The following DAW1 variants were observed in gnomAD, a reference collection of about 807,000 sequenced individuals.
DAW1 encodes dynein assembly factor with WD repeat domains 1.
DAW1 carries 47 observed loss-of-function variants against 56.5 expected under a neutral mutation model. The ratio of observed to expected loss-of-function variants is 0.83; its 90% CI spans 0.66 to 1.06. The LOEUF (loss-of-function observed/expected upper bound fraction) is 1.06. Among genes scored for constraint, DAW1 ranks in the 50% least tolerant of loss-of-function variants. The probability of loss-of-function intolerance (pLI) is 0.00; values close to 1 mark genes in which losing one functional copy is unlikely to be tolerated. For missense variants in DAW1, 505 were observed against 499.3 expected, an observed-to-expected ratio of 1.01 and a Z score of -0.11; for synonymous variants, 190 against 179.0, an observed-to-expected ratio of 1.06 and a Z score of -0.49.
intron 11 of DAW1, 71 bp from the exon 12 acceptor site, chr2:227,921,328 T>TGA: frequency 1.4e-6 from 1 of 700,528 alleles, no homozygotes; most frequent in Non-Finnish European, 2.0e-6. Context: ...TTTTTTTTTT[T>TGA]TTTTTGCTGA....
At chr2:227,874,222 A>G (rs1170938559) in intron 1 of DAW1, among the ~76,000 whole-genome samples, 1 of 152,160 alleles carries the variant, frequency 6.6e-6, no homozygotes, top group East Asian at 1.9e-4. Flanking sequence ...CTCACCATAT[A>G]CAATAATAAA....
At chr2:227,885,474 C>T in intron 2 of DAW1, 51 bp downstream of exon 2, 1 of 1,416,574 alleles carries the variant, frequency 7.1e-7, no homozygotes, top group Non-Finnish European at 9.7e-7. Context: ...GAAGCCTTGA[C>T]ACAGAGTGAT....
At chr2:227,884,960 G>A (rs545595950) in intron 1 of DAW1, among the ~76,000 whole-genome samples, 2 of 152,172 alleles carry the variant, frequency 1.3e-5, no homozygotes, top group East Asian at 1.9e-4. Context: ...TGCTTGCAGG[G>A]GCCCCATTTG....
rs184910874 is a variant in DAW1, at chr2:227,881,440, T to A, written c.41-3911T>A. ...TGGGAATATAGGGAAGCATATAGCATGGATATGTTTCCTTCTTCAAAGATG... is the reference window on the plus strand; with the variant it reads ...TGGGAATATAGGGAAGCATATAGCAAGGATATGTTTCCTTCTTCAAAGATG... On this transcript the variant is annotated intron_variant, in intron 1 of 12. Transcript: ENST00000309931. Among the ~76,000 whole-genome samples the A allele has an allele frequency of 7.4e-4, 113 of 152,328 alleles. 1 individual carries two copies. Among genetic ancestry groups the A allele is most frequent in the Non-Finnish European group, 1.4e-3 (92 of 68,042 alleles).
At chr2:227,873,311 A>C (rs747706704) in intron 1 of DAW1, among the ~76,000 whole-genome samples, 4 of 152,206 alleles carry the variant, frequency 2.6e-5, no homozygotes, top group Non-Finnish European at 4.4e-5. Flanking sequence ...GTTTTGTTTC[A>C]AATGTCTGCC....
chr2:227,895,650 G>A (rs1305044894), intron 5 of DAW1: 1 of 152,246 alleles, frequency 6.6e-6, no homozygotes, highest in Non-Finnish European at 1.5e-5. Context: ...TCTCTGTAGT[G>A]ACTCAGTGGC....
In DAW1 at chr2:227,891,298, AC is replaced by A. The variant is rs757707971; in HGVS notation, c.303del (p.Asn101LysfsTer27). 11 of 1,613,608 alleles carry A rather than the reference AC, an allele frequency of 6.8e-6. No homozygotes were observed. Among genetic ancestry groups the A allele is most frequent in the Non-Finnish European group, 9.3e-6 (11 of 1,179,802 alleles). On this transcript the variant is annotated frameshift_variant, in exon 4 of 13. Transcript: ENST00000309931. LOFTEE classifies it high-confidence loss of function. The stretch of plus-strand genomic sequence containing the variant: ...TTGCCACTGACTAATGTTGCACTTA[AC>A]AAATCGGGCTCATGGTAAGATTCTC... Reference protein sequence around the residue: ...HILPLTNVALNKSGSCFITGS... With the variant: ...HILPLTNVALXKSGSCFITGS...
chr2:227,889,740 T>A (rs1691213533), intron 2 of DAW1, 116 bp from the exon 3 acceptor site: 12 of 872,546 alleles, frequency 1.4e-5, no homozygotes, highest in Non-Finnish European at 1.9e-5. Flanking sequence ...GATAATGGTG[T>A]TTTTGACATT....
At chr2:227,923,818 A>T in intron 12 of DAW1, 116 bp from the exon 13 acceptor site, 1 of 1,238,486 alleles carries the variant, frequency 8.1e-7, no homozygotes, top group South Asian at 1.3e-5. Context: ...CGGAGAACCT[A>T]GCCCATTTAG....
At position 227,924,006 on chromosome 2, in the gene DAW1, T is replaced by A; in HGVS notation, c.*38T>A. The A allele has an allele frequency of 6.2e-7, 1 of 1,612,598 alleles. No homozygotes were observed. The highest frequency in any genetic ancestry group is 8.5e-7 in the Non-Finnish European group (1 of 1,178,924). ...GGTCAGTGAGCAACCTTGCTAGCAATGGTAATCAAGAACTGGAACTTCACA... is the reference window on the plus strand; with the variant it reads ...GGTCAGTGAGCAACCTTGCTAGCAAAGGTAATCAAGAACTGGAACTTCACA... On this transcript the variant is annotated 3_prime_UTR_variant, in exon 13 of 13. Coordinates refer to ENST00000309931, the MANE Select transcript of DAW1 (RefSeq NM_178821.3).
intron 1 of DAW1, among the ~76,000 whole-genome samples, chr2:227,878,506 G>C (rs1690938461): frequency 6.6e-6 from 1 of 152,232 alleles, no homozygotes; most frequent in South Asian, 2.1e-4. Context: ...AGGATGGCTT[G>C]AGCCCAGGAG....
intron 6 of DAW1, among the ~76,000 whole-genome samples, chr2:227,900,690 G>A (rs571803587): frequency 6.6e-6 from 1 of 152,278 alleles, no homozygotes; most frequent in Admixed American, 6.5e-5. Context: ...AACTCAGGTG[G>A]CTCTGTGTGA....
In DAW1 at chr2:227,918,808, A is replaced by G. The variant is rs1692035156; in HGVS notation, c.1002A>G (p.Thr334=). ...DGTARIFSAA[T]RKCIAKLEGH... is the part of the protein sequence containing the mutation. ...CAGCAAGAATTTTCAGTGCTGCCAC[A>G]AGAAAATGCATTGCCAAACTGGAAG... Residue 334 remains threonine, a synonymous_variant, in exon 11 of 13, where the codon ACA becomes ACG. Transcript: ENST00000309931. The G allele has an allele frequency of 1.2e-6, 2 of 1,614,068 alleles. No homozygotes were observed. The highest frequency in any genetic ancestry group is 1.1e-5 in the South Asian group (1 of 91,078).
At chr2:227,892,701 T>TA (rs1361111883) in intron 4 of DAW1, among the ~76,000 whole-genome samples, 1 of 152,174 alleles carries the variant, frequency 6.6e-6, no homozygotes, top group Non-Finnish European at 1.5e-5. Context: ...CCTGTTTAGT[T>TA]GAGTTTCGCT....
chr2:227,890,367 G>A (rs1691233904), intron 3 of DAW1, among the ~76,000 whole-genome samples: 1 of 152,100 alleles, frequency 6.6e-6, no homozygotes, highest in African/African-American at 2.4e-5. Context: ...CTGCTTTCAT[G>A]TGAACTAAAC....
intron 12 of DAW1, 152 bp from the exon 13 acceptor site, chr2:227,923,782 C>T: frequency 1.2e-6 from 1 of 800,640 alleles, no homozygotes; most frequent in Non-Finnish European, 2.0e-6. Flanking sequence ...AATGCCTGAG[C>T]TGCTCAGAGA....
chr2:227,893,928 C>G lies in DAW1; in HGVS notation c.440+11C>G. The G allele has an allele frequency of 1.3e-6, 2 of 1,569,762 alleles. No homozygotes were observed. The highest frequency in any genetic ancestry group is 1.7e-6 in the Non-Finnish European group (2 of 1,161,114). On this transcript the variant is annotated intron_variant, in intron 5 of 12. Transcript: ENST00000309931. ...CAACAATCCTTACGGGTGTGTTCAT[C>G]CCTTCACTTATTTGTTTATTAATTC...
In DAW1 at chr2:227,894,019, T is replaced by G. The variant is rs1426452720; in HGVS notation, c.440+102T>G. 4 of 1,275,198 alleles carry G rather than the reference T, an allele frequency of 3.1e-6. No homozygotes were observed. The East Asian group carries it at 1.0e-4, about 33-fold the overall frequency. The allele number at this position is 1,275,198 out of a possible 1,614,324, so 79.0% of individuals were successfully genotyped here. On this transcript the variant is annotated intron_variant, in intron 5 of 12. Coordinates refer to ENST00000309931, the MANE Select transcript of DAW1 (RefSeq NM_178821.3). ...AGACAAGAGGTCTAAATTTATTGAGTGCTTGGTATGTGCTTTGGAAGCCTT... is the reference window on the plus strand; with the variant it reads ...AGACAAGAGGTCTAAATTTATTGAGGGCTTGGTATGTGCTTTGGAAGCCTT...
chr2:227,898,531 A>G (rs1244344867), intron 6 of DAW1, among the ~76,000 whole-genome samples: 1 of 152,084 alleles, frequency 6.6e-6, no homozygotes, highest in Admixed American at 6.5e-5. Context: ...TGTATTAGCC[A>G]GGATGGTCTC....
Sources: allele counts gnomAD v4.1 joint callset (sites outside exome capture counted in the v4.1 genomes callset), GRCh38; gene constraint gnomAD v4.1.1; transcripts MANE v1.5; gene names NCBI Gene and HGNC (gene_info 2026-07-23, HGNC 2026-07-21).